The following PCDH9 variants were observed in gnomAD, a reference collection of about 807,000 sequenced individuals.
PCDH9 encodes protocadherin 9, also known as protocadherin-9.
PCDH9 carries 24 observed loss-of-function variants against 70.6 expected under a neutral mutation model. The observed-to-expected ratio is 0.34, with a 90% CI of 0.25 to 0.48. PCDH9 has a LOEUF of 0.48. Ranked by LOEUF, PCDH9 falls within the 20% of genes least tolerant of loss-of-function variation. The probability of loss-of-function intolerance (pLI) is 0.99; values close to 1 mark genes in which losing one functional copy is unlikely to be tolerated. For missense variants in PCDH9, 1,281 were observed against 1,503.6 expected, an observed-to-expected ratio of 0.85 and a Z score of 2.45; for synonymous variants, 562 against 558.5, an observed-to-expected ratio of 1.01 and a Z score of -0.09.
At chr13:66,766,644 A>G (rs2079722451) in intron 3 of PCDH9, among the ~76,000 whole-genome samples, 1 of 151,748 alleles carries the variant, frequency 6.6e-6, no homozygotes, top group African/African-American at 2.4e-5. Flanking sequence ...TGGGAAGGGA[A>G]AGGGGAAAGG....
At chr13:66,658,946 T>C (rs2077969355) in intron 3 of PCDH9, among the ~76,000 whole-genome samples, 3 of 152,122 alleles carry the variant, frequency 2.0e-5, no homozygotes, top group South Asian at 4.1e-4. Context: ...AAGGATAAAA[T>C]AGACTTCAAG....
intron 3 of PCDH9, among the ~76,000 whole-genome samples, chr13:66,751,373 CAA>C (rs1336014719): frequency 6.6e-6 from 1 of 151,924 alleles, no homozygotes; most frequent in Non-Finnish European, 1.5e-5. Context: ...TTTTTAATGT[CAA>C]GACATAAAAT....
At chr13:66,425,679 G>T (rs1198351463) in intron 4 of PCDH9, among the ~76,000 whole-genome samples, 1 of 151,648 alleles carries the variant, frequency 6.6e-6, no homozygotes, top group Non-Finnish European at 1.5e-5. Context: ...TAGATGTTCA[G>T]GTCATCAGGA....
chr13:66,513,546 A>G (rs1158017684), intron 4 of PCDH9, among the ~76,000 whole-genome samples: 1 of 152,098 alleles, frequency 6.6e-6, no homozygotes, highest in Non-Finnish European at 1.5e-5. Flanking sequence ...AGTCAGCACC[A>G]AGTCCAATAA....
intron 4 of PCDH9, among the ~76,000 whole-genome samples, chr13:66,600,605 T>G (rs1399917920): frequency 6.6e-6 from 1 of 151,840 alleles, no homozygotes; most frequent in Non-Finnish European, 1.5e-5. Context: ...CCTGCACAAC[T>G]GAAGTATTAT....
At chr13:66,391,448 G>C (rs1957016482) in intron 4 of PCDH9, among the ~76,000 whole-genome samples, 1 of 152,076 alleles carries the variant, frequency 6.6e-6, no homozygotes, top group Non-Finnish European at 1.5e-5. Context: ...ACATTTTTAA[G>C]GCACCCAAGT....
chr13:67,225,175 C>T, intron 2 of PCDH9: 2 of 1,370,914 alleles, frequency 1.5e-6, no homozygotes, highest in South Asian at 3.8e-5. Context: ...CATCTTTTGC[C>T]ATTTGAAGGA....
At chr13:66,864,401 TC>T (rs2081536115) in intron 3 of PCDH9, among the ~76,000 whole-genome samples, 1 of 152,102 alleles carries the variant, frequency 6.6e-6, no homozygotes, top group African/African-American at 2.4e-5. Context: ...AAAGCAAATA[TC>T]AGATGTTTTG....
chr13:66,955,038 C>T (rs1284527388), intron 2 of PCDH9, among the ~76,000 whole-genome samples: 1 of 152,222 alleles, frequency 6.6e-6, no homozygotes, highest in Non-Finnish European at 1.5e-5. Context: ...GCTGGGATTA[C>T]AGGCGTGAGC....
intron 2 of PCDH9, among the ~76,000 whole-genome samples, chr13:67,136,106 A>G (rs2087225673): frequency 6.6e-6 from 1 of 152,124 alleles, no homozygotes; most frequent in Admixed American, 6.6e-5. Context: ...GTCTCATAAG[A>G]TTAGAATACT....
intron 3 of PCDH9, among the ~76,000 whole-genome samples, chr13:66,902,962 A>T (rs1012379494): frequency 2.6e-5 from 4 of 151,852 alleles, no homozygotes; most frequent in South Asian, 4.1e-4. Context: ...TAACTTTTTT[A>T]AAAAAGAAAG....
intron 2 of PCDH9, among the ~76,000 whole-genome samples, chr13:67,197,421 C>A (rs529240951): frequency 6.6e-6 from 1 of 151,914 alleles, no homozygotes; most frequent in African/African-American, 2.4e-5. Context: ...ATATTAAATT[C>A]TTTTTATTTG....
intron 2 of PCDH9, among the ~76,000 whole-genome samples, chr13:67,032,696 A>G (rs567445788): frequency 6.6e-6 from 1 of 152,314 alleles, no homozygotes; most frequent in East Asian, 1.9e-4. Context: ...ATTTTGAATT[A>G]TAACCATGAA....
At chr13:66,927,274 T>A (rs1244198347) in intron 2 of PCDH9, among the ~76,000 whole-genome samples, 1 of 152,008 alleles carries the variant, frequency 6.6e-6, no homozygotes, top group African/African-American at 2.4e-5. Flanking sequence ...GAGGCCCTTA[T>A]CCTTAGCAAA....
At chr13:66,846,135 C>CGA (rs1491580261) in intron 3 of PCDH9, among the ~76,000 whole-genome samples, 2 of 15,262 alleles carry the variant, frequency 1.3e-4, no homozygotes, top group Non-Finnish European at 5.8e-4. Context: ...GAAAAAAAGA[C>CGA]CAAAAAAAAA....
chr13:67,135,846 G>A (rs548918483), intron 2 of PCDH9, among the ~76,000 whole-genome samples: 15 of 152,128 alleles, frequency 9.9e-5, no homozygotes, highest in South Asian at 4.2e-4. Context: ...TAAACAGTGG[G>A]AGAATTAGAG....
intron 4 of PCDH9, among the ~76,000 whole-genome samples, chr13:66,580,448 C>T (rs1351354178): frequency 6.6e-6 from 1 of 151,858 alleles, no homozygotes; most frequent in Admixed American, 6.6e-5. Flanking sequence ...AGCATAAATG[C>T]ATGTGTAGAA....
intron 4 of PCDH9, among the ~76,000 whole-genome samples, chr13:66,561,637 CTG>C (rs1453240849): frequency 3.9e-5 from 6 of 152,170 alleles, no homozygotes; most frequent in Non-Finnish European, 8.8e-5. Flanking sequence ...AATCCACACT[CTG>C]TATCTAGCTA....
rs564633973 is a variant in PCDH9, at chr13:66,495,107, T to C, written c.3340+136103A>G. On this transcript the variant is annotated intron_variant, in intron 4 of 4. Coordinates refer to ENST00000377865, the MANE Select transcript of PCDH9 (RefSeq NM_203487.3). ...ATAATTATTGAATTTAGCAGATGGG[T>C]ATATGAAGGTTTATTAAACAACTCT... Among the ~76,000 whole-genome samples, 10 of 152,144 alleles carry C rather than the reference T, an allele frequency of 6.6e-5. No homozygotes were observed. In the South Asian group the frequency reaches 2.1e-3, roughly 32 times the overall value.
Sources: allele counts gnomAD v4.1 joint callset (sites outside exome capture counted in the v4.1 genomes callset), GRCh38; gene constraint gnomAD v4.1.1; transcripts MANE v1.5; gene names NCBI Gene and HGNC (gene_info 2026-07-23, HGNC 2026-07-21).